Variants in SLC4A8 observed in about 807,000 individuals in gnomAD.
SLC4A8 encodes electroneutral sodium bicarbonate exchanger 1.
SLC4A8 carries 40 observed loss-of-function variants against 125.0 expected under a neutral mutation model. That is an observed-to-expected ratio of 0.32 (90% CI 0.25 to 0.42). The LOEUF is 0.42. SLC4A8 is among the 10% of genes least tolerant of loss of function. The pLI is 1.00. For synonymous variants in SLC4A8, 456 were observed against 476.0 expected (o/e 0.96, Z 0.55); for missense variants, 863 against 1,355.1 (o/e 0.64, Z 5.70).
chr12:51,427,353 A>T (rs1949026954), intron 1 of SLC4A8, among the ~76,000 whole-genome samples: 1 of 152,180 alleles, frequency 6.6e-6, no homozygotes. Flanking sequence ...TATTGAGGGC[A>T]TCATGACCCT....
At chr12:51,461,432 T>C in intron 9 of SLC4A8, 141 bp downstream of exon 9, 2 of 582,832 alleles carry the variant, frequency 3.4e-6, no homozygotes, top group East Asian at 5.8e-5. Context: ...GGTACTTCTC[T>C]GAGAGCCCAG....
chr12:51,426,941 C>CTTTTTTTTTTTTTTTTTCTTTTT (rs555144134), intron 1 of SLC4A8, among the ~76,000 whole-genome samples: 1 of 131,354 alleles, frequency 7.6e-6, no homozygotes, highest in Non-Finnish European at 1.6e-5. Flanking sequence ...TTTTTCTTTT[C>CTTTTTTTTTTTTTTTTTCTTTTT]TTTTTTTTTT....
chr12:51,487,730 A>C (rs1434803663), intron 17 of SLC4A8, among the ~76,000 whole-genome samples: 1 of 152,222 alleles, frequency 6.6e-6, no homozygotes, highest in Non-Finnish European at 1.5e-5. Flanking sequence ...TAGGTCAAAC[A>C]AACCCCCAAC....
intron 16 of SLC4A8, among the ~76,000 whole-genome samples, chr12:51,476,685 T>C (rs1950863869): frequency 6.6e-6 from 1 of 152,080 alleles, no homozygotes; most frequent in African/African-American, 2.4e-5. Context: ...GTGCTCCCAG[T>C]CCTCTATTGG....
intron 22 of SLC4A8, among the ~76,000 whole-genome samples, chr12:51,499,297 AACATAT>A (rs1338162872): frequency 7.9e-5 from 12 of 152,212 alleles, no homozygotes; most frequent in Non-Finnish European, 1.2e-4. Context: ...CTTTTACTAA[AACATAT>A]ACATATACAC....
intron 1 of SLC4A8, among the ~76,000 whole-genome samples, chr12:51,435,127 C>T (rs1015887962): frequency 1.3e-5 from 2 of 152,172 alleles, no homozygotes; most frequent in African/African-American, 4.8e-5. Flanking sequence ...GAGGCTTGAT[C>T]AGATTCAGGG....
intron 1 of SLC4A8, among the ~76,000 whole-genome samples, chr12:51,401,860 G>A (rs149339752): frequency 1.3e-5 from 2 of 152,032 alleles, no homozygotes; most frequent in Admixed American, 1.3e-4. Context: ...GCCTCCCCAG[G>A]CTCAAGCAAT....
intron 14 of SLC4A8, among the ~76,000 whole-genome samples, chr12:51,472,640 G>A (rs4761968): frequency 0.54 from 82,069 of 151,902 alleles, 22,290 homozygotes; most frequent in African/African-American, 0.58. Flanking sequence ...CCTTGGAAAC[G>A]CAGTGGCAAA....
intron 22 of SLC4A8, among the ~76,000 whole-genome samples, chr12:51,503,031 C>T (rs1349318304): frequency 1.3e-5 from 2 of 150,260 alleles, no homozygotes; most frequent in Admixed American, 6.7e-5. Context: ...TTAGTAGAGA[C>T]GGGGGTTTCA....
chr12:51,477,488 A>G (rs1372699048), intron 16 of SLC4A8, among the ~76,000 whole-genome samples: 1 of 152,228 alleles, frequency 6.6e-6, no homozygotes, highest in African/African-American at 2.4e-5. Context: ...TGGGTTTGTG[A>G]TATTTGGTGG....
At chr12:51,470,622 C>A in intron 13 of SLC4A8, 97 bp downstream of exon 13, 3 of 1,160,398 alleles carry the variant, frequency 2.6e-6, no homozygotes, top group South Asian at 1.5e-5. Flanking sequence ...CAGGCAATAT[C>A]ATTTTGGATT....
intron 1 of SLC4A8, chr12:51,391,594 C>G (rs1451665025): frequency 6.6e-6 from 1 of 150,778 alleles, no homozygotes; most frequent in East Asian, 2.0e-4. Flanking sequence ...CTCCTTCTGC[C>G]GCTTACCTGT....
intron 1 of SLC4A8, among the ~76,000 whole-genome samples, chr12:51,393,019 G>T (rs1309984077): frequency 6.6e-6 from 1 of 151,174 alleles, no homozygotes; most frequent in Non-Finnish European, 1.5e-5. Flanking sequence ...CTGCTGCCCC[G>T]CCTCCCTCCT....
chr12:51,402,098 AC>A (rs1403224215), intron 1 of SLC4A8, among the ~76,000 whole-genome samples: 1 of 152,138 alleles, frequency 6.6e-6, no homozygotes, highest in African/African-American at 2.4e-5. Flanking sequence ...GGAGAAACAG[AC>A]CTGAAGTGAT....
In SLC4A8 at chr12:51,477,271, G is replaced by A. The variant is rs915096238; in HGVS notation, c.2172+2065G>A. ...ACAAAAATTCATAATATGATTTTGTGAATGTGTGTGAAAGTGTGAGACCTT... is the reference window on the plus strand; with the variant it reads ...ACAAAAATTCATAATATGATTTTGTAAATGTGTGTGAAAGTGTGAGACCTT... On this transcript the variant is annotated intron_variant, in intron 16 of 24. Coordinates refer to ENST00000453097, the MANE Select transcript of SLC4A8 (RefSeq NM_001039960.3). Among the ~76,000 whole-genome samples, 3 of 152,176 alleles carry A rather than the reference G, an allele frequency of 2.0e-5. 1 individual carries two copies. The highest frequency in any genetic ancestry group is 2.0e-4 in the Admixed American group (3 of 15,282).
chr12:51,401,078 C>G (rs1948382098), intron 1 of SLC4A8, among the ~76,000 whole-genome samples: 1 of 151,596 alleles, frequency 6.6e-6, no homozygotes, highest in Admixed American at 6.6e-5. Context: ...TCAGATCCCA[C>G]GGCAGCGTCT....
At chr12:51,430,372 C>G (rs1949149466) in intron 1 of SLC4A8, among the ~76,000 whole-genome samples, 1 of 152,066 alleles carries the variant, frequency 6.6e-6, no homozygotes. Context: ...GTCAACTTTT[C>G]TGAGGGTCAT....
rs1185237671 is a variant in SLC4A8, at chr12:51,452,264, G to A, written c.413+5G>A. 6.2e-7 allele frequency: 1 copy of A among 1,614,048 alleles called. No homozygotes were observed. Among genetic ancestry groups the A allele is most frequent in the African/African-American group, 1.3e-5 (1 of 74,938 alleles). ...TGAGTGGAAGGAAACAGCCAGGTGA[G>A]GCCCTAAAATGGCCTGCATCAAGAT... On this transcript the variant is annotated splice_donor_5th_base_variant and intron_variant, in intron 4 of 24. Coordinates refer to ENST00000453097, the MANE Select transcript of SLC4A8 (RefSeq NM_001039960.3).
intron 2 of SLC4A8, among the ~76,000 whole-genome samples, chr12:51,450,279 G>T (rs1029628408): frequency 3.9e-5 from 6 of 152,044 alleles, no homozygotes; most frequent in Non-Finnish European, 7.4e-5. Context: ...TTTATTCCAG[G>T]CATGTGTTAA....
Sources: allele counts gnomAD v4.1 joint callset (sites outside exome capture counted in the v4.1 genomes callset), GRCh38; gene constraint gnomAD v4.1.1; transcripts MANE v1.5; gene names NCBI Gene and HGNC (gene_info 2026-07-23, HGNC 2026-07-21).